The following ASCC1 variants were observed in gnomAD, a reference collection of about 807,000 sequenced individuals.
ASCC1 encodes activating signal cointegrator 1 complex subunit 1.
A neutral mutation model predicts 46.6 loss-of-function variants in ASCC1; 35 were observed. That is an observed-to-expected ratio of 0.75 (90% CI 0.57 to 0.99). The LOEUF (loss-of-function observed/expected upper bound fraction) is 0.99, where lower values mean the gene tolerates loss of function less well. ASCC1 is among the 50% of genes least tolerant of loss of function. The pLI is 0.00. For missense variants in ASCC1, 376 were observed against 428.7 expected (o/e 0.88, Z 1.09); for synonymous variants, 143 against 146.6 (o/e 0.98, Z 0.18).
intron 5 of ASCC1, among the ~76,000 whole-genome samples, chr10:72,166,779 T>C (rs1312492808): frequency 1.3e-5 from 2 of 152,066 alleles, no homozygotes; most frequent in African/African-American, 2.4e-5. Context: ...AGCTAAAGAT[T>C]TGAACAGATA....
chr10:72,216,273 T>C lies in ASCC1; in HGVS notation c.-100A>G, dbSNP rs532484903. The C allele has an allele frequency of 3.2e-5, 5 of 158,552 alleles. No individual in the cohort carries two copies. The highest frequency in any genetic ancestry group is 1.7e-4 in the South Asian group (1 of 6,012). 9.8% of individuals were successfully genotyped at this position (158,552 alleles called of 1,614,324 possible). A position where few individuals can be genotyped will look rare whatever the true frequency, so the allele number is the denominator to read the frequency against. On this transcript the variant is annotated 5_prime_UTR_variant, in exon 1 of 10. Coordinates refer to ENST00000672957, the MANE Select transcript of ASCC1 (RefSeq NM_001198800.3). Reference sequence around the variant, plus strand: ...GGAGACTGCTGCAGCAGACGTGCGATAGGAAATTTCCCCAGGCCGGGTTTG... The same window carrying C: ...GGAGACTGCTGCAGCAGACGTGCGACAGGAAATTTCCCCAGGCCGGGTTTG...
chr10:72,144,024 C>T (rs539188448), intron 7 of ASCC1, among the ~76,000 whole-genome samples: 29 of 151,608 alleles, frequency 1.9e-4, no homozygotes, highest in Non-Finnish European at 2.8e-4. Flanking sequence ...AACAGTCTCA[C>T]TCTGTTGCCC....
Position 72,100,831 on chromosome 10 carries a change from T to A in ASCC1, c.958-3381A>T, listed in dbSNP as rs186051997. On this transcript the variant is annotated intron_variant, in intron 9 of 9. Coordinates refer to ENST00000672957, the MANE Select transcript of ASCC1 (RefSeq NM_001198800.3). ...GTAGACTGCATCTGATCGATAAATA[T>A]CTGCTGGACAAAATGACAATGAAAA... is the stretch of plus-strand genomic sequence containing the variant. 2.3e-3 allele frequency among the ~76,000 whole-genome samples: 356 copies of A among 152,312 alleles called. 4 individuals are homozygous for A. The highest frequency in any genetic ancestry group is 8.0e-3 in the African/African-American group (331 of 41,544).
In ASCC1 at chr10:72,127,650, A is replaced by T. The variant is rs1006455168; in HGVS notation, c.957+432T>A. On this transcript the variant is annotated intron_variant, in intron 9 of 9. Coordinates refer to ENST00000672957, the MANE Select transcript of ASCC1 (RefSeq NM_001198800.3). Reference sequence around the variant, plus strand: ...ATTTCTATGAATCCAAGTGGTTGGAATACCTAAGGGTTTCTTTTTTTTTTT... The same window carrying T: ...ATTTCTATGAATCCAAGTGGTTGGATTACCTAAGGGTTTCTTTTTTTTTTT... Among the ~76,000 whole-genome samples, 6 of 150,388 alleles carry T rather than the reference A, an allele frequency of 4.0e-5. No homozygotes were observed. The Admixed American group carries it at 4.0e-4, about 10-fold the overall frequency.
chr10:72,168,051 C>T (rs923292325), intron 5 of ASCC1, among the ~76,000 whole-genome samples: 3 of 152,038 alleles, frequency 2.0e-5, no homozygotes, highest in Admixed American at 1.3e-4. Flanking sequence ...ACTAGCCGGG[C>T]GTGGTGGCAC....
chr10:72,214,210 A>C (rs910179300), intron 1 of ASCC1, among the ~76,000 whole-genome samples: 23 of 151,962 alleles, frequency 1.5e-4, no homozygotes, highest in East Asian at 9.6e-4. Context: ...ACAACAACAA[A>C]AAAAAGAGAG....
chr10:72,172,794 ATAT>A (rs1453996644), intron 5 of ASCC1, among the ~76,000 whole-genome samples: 19 of 133,998 alleles, frequency 1.4e-4, no homozygotes, highest in African/African-American at 4.4e-4. Flanking sequence ...TATATATTAT[ATAT>A]TATATTTTTA....
intron 9 of ASCC1, among the ~76,000 whole-genome samples, chr10:72,124,261 G>T: frequency 6.6e-6 from 1 of 152,092 alleles, no homozygotes; most frequent in East Asian, 1.9e-4. Context: ...AAATAGAAAA[G>T]GTACAAATTC....
At chr10:72,157,566 T>C (rs1427525653) in intron 6 of ASCC1, among the ~76,000 whole-genome samples, 1 of 152,184 alleles carries the variant, frequency 6.6e-6, no homozygotes, top group Non-Finnish European at 1.5e-5. Context: ...AAAGACACTG[T>C]CAATCATCAT....
chr10:72,135,585 C>T (rs1282068376), intron 7 of ASCC1, among the ~76,000 whole-genome samples: 2 of 152,158 alleles, frequency 1.3e-5, no homozygotes, highest in Non-Finnish European at 2.9e-5. Context: ...TTAGCTGAAG[C>T]TCTCAGGCCC....
chr10:72,191,651 A>T (rs1485323996), intron 5 of ASCC1, among the ~76,000 whole-genome samples: 1 of 151,248 alleles, frequency 6.6e-6, no homozygotes, highest in African/African-American at 2.5e-5. Flanking sequence ...AGGAAAAAAA[A>T]TTTTCTTTTT....
At chr10:72,159,065 T>TG (rs1336567633) in intron 6 of ASCC1, 1 of 152,194 alleles carries the variant, frequency 6.6e-6, no homozygotes, top group Non-Finnish European at 1.5e-5. Flanking sequence ...AGAAGAAGGT[T>TG]GGGGAGGCTT....
Position 72,195,223 on chromosome 10 carries a change from T to C in ASCC1, c.489+1588A>G, listed in dbSNP as rs986948210. Among the ~76,000 whole-genome samples the C allele has an allele frequency of 3.6e-5, 5 of 137,228 alleles. No individual in the cohort carries two copies. In the East Asian group the frequency reaches 9.4e-4, roughly 26 times the overall value. 90.0% of individuals were successfully genotyped at this position (137,228 alleles called of 152,430 possible). On this transcript the variant is annotated intron_variant, in intron 5 of 9. Coordinates refer to ENST00000672957, the MANE Select transcript of ASCC1 (RefSeq NM_001198800.3). ...GTGCAATAATACAATCTCAGTTCAC[T>C]GACACCTCCACCTCCTAGGCTCAAG...
At chr10:72,131,511 T>C (rs1034165977) in intron 8 of ASCC1, among the ~76,000 whole-genome samples, 3 of 151,438 alleles carry the variant, frequency 2.0e-5, no homozygotes, top group Admixed American at 6.6e-5. Flanking sequence ...TTGGATTCTA[T>C]TACCTACCCA....
intron 6 of ASCC1, among the ~76,000 whole-genome samples, chr10:72,157,658 TA>T: frequency 6.6e-6 from 1 of 152,296 alleles, no homozygotes; most frequent in Middle Eastern, 3.4e-3. Context: ...AAAAAACTGT[TA>T]TACTGGGGTT....
At chr10:72,164,352 T>C (rs535831200) in intron 5 of ASCC1, among the ~76,000 whole-genome samples, 2 of 152,322 alleles carry the variant, frequency 1.3e-5, no homozygotes, top group East Asian at 1.9e-4. Flanking sequence ...TTTGGATTTA[T>C]CTATTCTGGA....
chr10:72,098,000 A>C (rs1285257630), intron 9 of ASCC1, among the ~76,000 whole-genome samples: 2 of 152,246 alleles, frequency 1.3e-5, no homozygotes, highest in African/African-American at 2.4e-5. Flanking sequence ...CACACAGAAC[A>C]ACCCAAGGGA....
chr10:72,111,472 G>A (rs1489181322), intron 9 of ASCC1, among the ~76,000 whole-genome samples: 3 of 151,962 alleles, frequency 2.0e-5, no homozygotes, highest in African/African-American at 4.8e-5. Context: ...GGGTGACAGA[G>A]CAAGACCCTA....
At chr10:72,162,568 C>G (rs1204944014) in intron 5 of ASCC1, among the ~76,000 whole-genome samples, 7 of 152,136 alleles carry the variant, frequency 4.6e-5, no homozygotes, top group Non-Finnish European at 7.4e-5. Context: ...CTCCTGGGCT[C>G]AAGCGATCCT....
Sources: gnomAD v4.1 joint callset for allele counts (sites outside exome capture counted in the v4.1 genomes callset) on GRCh38, gnomAD v4.1.1 for gene constraint, MANE v1.5 for transcripts, NCBI Gene and HGNC (gene_info 2026-07-23, HGNC 2026-07-21) for gene names.